CPLANE1: variants seen among roughly 807,000 people sequenced by gnomAD.
CPLANE1 encodes the protein ciliogenesis and planar polarity effector 1.
In CPLANE1, 263 loss-of-function variants were observed where a neutral mutation model predicts 362.5. The observed-to-expected ratio is 0.73, with a 90% confidence interval of 0.66 to 0.80. CPLANE1 has a LOEUF of 0.80. Ranked by LOEUF, CPLANE1 falls within the 30% of genes least tolerant of loss-of-function variation. CPLANE1 has a pLI of 0.00. For missense variants in CPLANE1, 3,461 were observed against 3,793.4 expected (o/e 0.91, Z 2.30); for synonymous variants, 1,212 against 1,302.6 (o/e 0.93, Z 1.50).
chr5:37,170,760 A>G (rs1779584961), intron 32 of CPLANE1, among the ~76,000 whole-genome samples: 1 of 152,050 alleles, frequency 6.6e-6, no homozygotes, highest in Admixed American at 6.6e-5. Context: ...ACATGATGAA[A>G]CCCCATCTCT....
At chr5:37,179,576 T>C (rs1054626604) in intron 28 of CPLANE1, 133 bp from the exon 29 acceptor site, 1 of 644,876 alleles carries the variant, frequency 1.6e-6, no homozygotes, top group Non-Finnish European at 2.7e-6. Flanking sequence ...ATAAAGACAG[T>C]CTTTGAAAAC....
intron 35 of CPLANE1, among the ~76,000 whole-genome samples, chr5:37,166,142 C>A (rs935023262): frequency 1.3e-5 from 2 of 152,146 alleles, no homozygotes; most frequent in Non-Finnish European, 2.9e-5. Flanking sequence ...GGAAAGAGAG[C>A]ACTAGTGACA....
Position 37,209,518 on chromosome 5 carries a change from T to C in CPLANE1, c.2921-3093A>G. 1 of 1,278,520 alleles carries C rather than the reference T, an allele frequency of 7.8e-7. No homozygotes were observed. The highest frequency in any genetic ancestry group is 1.1e-6 in the Non-Finnish European group (1 of 875,438). 79.2% of individuals were successfully genotyped at this position (1,278,520 alleles called of 1,614,324 possible). On this transcript the variant is annotated intron_variant, in intron 16 of 52. Coordinates refer to ENST00000651892, the MANE Select transcript of CPLANE1 (RefSeq NM_001384732.1). The surrounding 1 kb of genome is among the most constrained non-coding windows in gnomAD (Gnocchi z 4.6). ...CTAATTCATGAGTTAATGCACCCTG[T>C]ATTGAGTGGAGAACTGCAACCTCAG...
At chr5:37,189,797 G>A (rs753850933) in intron 21 of CPLANE1, among the ~76,000 whole-genome samples, 3 of 152,168 alleles carry the variant, frequency 2.0e-5, no homozygotes, top group South Asian at 2.1e-4. Context: ...TCAGGAGTTC[G>A]AGACCAGCCT....
chr5:37,164,768 G>A (rs190089775), intron 36 of CPLANE1, among the ~76,000 whole-genome samples: 2 of 152,276 alleles, frequency 1.3e-5, no homozygotes, highest in Non-Finnish European at 2.9e-5. Flanking sequence ...ATCTGTTGTT[G>A]CAAAAATAGT....
chr5:37,198,616 G>T, intron 20 of CPLANE1, 86 bp downstream of exon 20: 1 of 1,336,924 alleles, frequency 7.5e-7, no homozygotes, highest in Non-Finnish European at 1.0e-6. Flanking sequence ...GACTCCTTGG[G>T]AAAATATAAC....
chr5:37,122,834 T>C (rs1763044629), intron 47 of CPLANE1, among the ~76,000 whole-genome samples: 1 of 152,048 alleles, frequency 6.6e-6, no homozygotes, highest in Admixed American at 6.6e-5. Context: ...TGAGCTGAGA[T>C]AGCGCCACTG....
At chr5:37,160,873 G>A (rs1036960132) in intron 38 of CPLANE1, among the ~76,000 whole-genome samples, 8 of 151,748 alleles carry the variant, frequency 5.3e-5, no homozygotes, top group South Asian at 2.1e-4. Flanking sequence ...GGGTTTCACC[G>A]TGTTAGCCAG....
chr5:37,153,561 C>T (rs114254915), intron 42 of CPLANE1, among the ~76,000 whole-genome samples, 179 bp downstream of exon 42: 45 of 152,238 alleles, frequency 3.0e-4, no homozygotes, highest in South Asian at 2.7e-3. Context: ...ACGCATGGGA[C>T]AGTCCCCCAC....
chr5:37,140,709 A>G, intron 44 of CPLANE1: 1 of 985,464 alleles, frequency 1.0e-6, no homozygotes, highest in Non-Finnish European at 1.2e-6. Flanking sequence ...CTCTTGGGTT[A>G]AAGATTGAAG....
At chr5:37,173,998 CAAATTG>C in intron 31 of CPLANE1, 51 bp from the exon 32 acceptor site, 1 of 1,415,524 alleles carries the variant, frequency 7.1e-7, no homozygotes, top group African/African-American at 1.4e-5. Flanking sequence ...TGACAAAAAA[CAAATTG>C]AATGTCTATG....
chr5:37,080,521 A>AT, the CPLANE1 span, among the ~76,000 whole-genome samples: 1 of 152,158 alleles, frequency 6.6e-6, no homozygotes, highest in East Asian at 1.9e-4. Context: ...AAAGAGACAC[A>AT]TTTTTTTCTT....
intron 46 of CPLANE1, among the ~76,000 whole-genome samples, chr5:37,132,847 C>T (rs1355391468): frequency 6.6e-6 from 1 of 152,164 alleles, no homozygotes; most frequent in Non-Finnish European, 1.5e-5. Flanking sequence ...AATTCTTTCC[C>T]AAGGCCAGTG....
chr5:37,211,789 G>C (rs1047284725), intron 16 of CPLANE1: 2 of 799,210 alleles, frequency 2.5e-6, no homozygotes, highest in Non-Finnish European at 2.3e-6. Context: ...CAAGACAAAA[G>C]TGAATTTTCA....
At chr5:37,126,425 G>A (rs919112092) in intron 46 of CPLANE1, among the ~76,000 whole-genome samples, 2 of 152,132 alleles carry the variant, frequency 1.3e-5, no homozygotes, top group African/African-American at 4.8e-5. Flanking sequence ...TTGGCCTGAG[G>A]TTTTACCATT....
At position 37,107,769 on chromosome 5, in the gene CPLANE1, G is replaced by A; in HGVS notation, c.9589C>T (p.Pro3197Ser). 6.2e-7 allele frequency: 1 copy of A among 1,606,116 alleles called. No homozygotes were observed. Among genetic ancestry groups the A allele is most frequent in the Non-Finnish European group, 8.5e-7 (1 of 1,175,784 alleles). ...SHNSLLQDLSPTEEEEPEHPF... is the reference protein window; with the variant it reads ...SHNSLLQDLSSTEEEEPEHPF... ...TGCTCTGGCTCTTCCTCTTCAGTTG[G>A]AGACAAGTCCTATTAAATTGAAAAG... Residue 3197 changes from proline to serine, a missense_variant, in exon 53 of 53, where the codon CCA becomes TCA. Pro to Ser is a moderately conservative substitution (Grantham distance 74, BLOSUM62 -1). Coordinates refer to ENST00000651892, the MANE Select transcript of CPLANE1 (RefSeq NM_001384732.1).
chr5:37,226,998 C>G lies in CPLANE1; in HGVS notation c.1597G>C (p.Asp533His). Residue 533 changes from aspartate to histidine, a missense_variant, in exon 12 of 53, where the codon GAT becomes CAT. By Grantham distance (81) the Asp-to-His change is moderately conservative (BLOSUM62 -1). Around this residue, in one of 2 missense-constraint regions of CPLANE1, gnomAD observed 3,380 missense variants for 3,666.1 expected, o/e 0.92. Coordinates refer to ENST00000651892, the MANE Select transcript of CPLANE1 (RefSeq NM_001384732.1). ...TCCTTCATACTACTACACAGCACAT[C>G]ATCTCTTTTGTTCCAAAAAGGACAT... is the stretch of plus-strand genomic sequence containing the variant. ...NLCPFWNKRD[D>H]VLCSSMKEGR... The G allele has an allele frequency of 6.4e-7, 1 of 1,551,202 alleles. No individual in the cohort carries two copies. The highest frequency in any genetic ancestry group is 1.2e-5 in the South Asian group (1 of 83,830).
intron 46 of CPLANE1, among the ~76,000 whole-genome samples, chr5:37,136,592 C>T (rs1363677740): frequency 6.6e-6 from 1 of 152,214 alleles, no homozygotes; most frequent in Non-Finnish European, 1.5e-5. Flanking sequence ...GGGCTCCAAC[C>T]CCACATTTCC....
At chr5:37,077,861 C>T in the CPLANE1 span, among the ~76,000 whole-genome samples, 1 of 152,042 alleles carries the variant, frequency 6.6e-6, no homozygotes, top group Non-Finnish European at 1.5e-5. Context: ...AGCGATCCTC[C>T]CACCTTGGCC....
Sources: gnomAD v4.1 joint callset for allele counts (sites outside exome capture counted in the v4.1 genomes callset) on GRCh38, gnomAD v4.1.1 for gene constraint, gnomAD v4.1.1 regional missense constraint, Gnocchi (gnomAD v3.1) non-coding constraint, MANE v1.5 for transcripts, NCBI Gene and HGNC (gene_info 2026-07-23, HGNC 2026-07-21) for gene names.